Variants in ISM1 observed in about 807,000 individuals in gnomAD.
ISM1 encodes isthmin-1.
Under a neutral mutation model 46.3 loss-of-function variants are expected in ISM1, and 25 were observed. The ratio of observed to expected loss-of-function variants is 0.54; its 90% CI spans 0.39 to 0.75. The LOEUF is 0.75. ISM1 is among the 30% of genes least tolerant of loss of function. The probability of loss-of-function intolerance (pLI) is 0.00; values close to 1 mark genes in which losing one functional copy is unlikely to be tolerated. For missense variants in ISM1, 536 were observed against 625.4 expected (o/e 0.86, Z 1.52); for synonymous variants, 255 against 256.7 (o/e 0.99, Z 0.06).
chr20:13,253,381 G>T (rs6105058), intron 1 of ISM1, among the ~76,000 whole-genome samples: 28,744 of 152,128 alleles, frequency 0.19, 2,823 homozygotes, highest in East Asian at 0.25. Context: ...CTGGATGGGA[G>T]GCCTTGGAGC....
chr20:13,280,686 G>A (rs1264334787), intron 3 of ISM1, among the ~76,000 whole-genome samples: 4 of 152,150 alleles, frequency 2.6e-5, no homozygotes, highest in Admixed American at 6.5e-5. Context: ...ACACACACTC[G>A]TAAGGCCCTC....
chr20:13,298,672 A>G (rs996117923), intron 5 of ISM1, among the ~76,000 whole-genome samples: 2 of 152,236 alleles, frequency 1.3e-5, no homozygotes, highest in African/African-American at 4.8e-5. Context: ...TGAAAATTTC[A>G]TAATATAAAG....
chr20:13,221,727 CGCCGCCGCCG>C lies in ISM1; in HGVS notation c.-41_-32del. The C allele has an allele frequency of 7.5e-7, 1 of 1,338,526 alleles. No individual in the cohort carries two copies. Among genetic ancestry groups the C allele is most frequent in the East Asian group, 3.2e-5 (1 of 31,178 alleles). 82.9% of individuals were successfully genotyped at this position (1,338,526 alleles called of 1,614,324 possible). On this transcript the variant is annotated 5_prime_UTR_variant, in exon 1 of 6. It removes the in-frame stop codon of an upstream open reading frame in the 5' UTR. Coordinates refer to ENST00000262487, the MANE Select transcript of ISM1 (RefSeq NM_080826.2). ...ACTCCTCCTCCCCCGGCGTCACCGC[CGCCGCCGCCG>C]GCCGCCGCGCCGGGTCCTAAAGCCG... is the stretch of plus-strand genomic sequence containing the variant.
At chr20:13,223,156 C>CAAA (rs369659111) in intron 1 of ISM1, among the ~76,000 whole-genome samples, 4 of 120,128 alleles carry the variant, frequency 3.3e-5, no homozygotes, top group African/African-American at 1.3e-4. Flanking sequence ...GACTCCGTCT[C>CAAA]AAAAAAAAAA....
intron 1 of ISM1, among the ~76,000 whole-genome samples, chr20:13,264,523 C>T (rs56109619): frequency 0.014 from 2,124 of 152,260 alleles, 23 homozygotes; most frequent in Non-Finnish European, 0.02. Context: ...CTAATTTGCC[C>T]TGTGGCTTGG....
chr20:13,266,955 G>C (rs1037443665), intron 1 of ISM1, among the ~76,000 whole-genome samples: 2 of 152,174 alleles, frequency 1.3e-5, no homozygotes, highest in Non-Finnish European at 2.9e-5. Context: ...AAGTCCCTTT[G>C]AGAAGAGATA....
chr20:13,272,951 A>G (rs917422472), intron 2 of ISM1, among the ~76,000 whole-genome samples: 2 of 152,228 alleles, frequency 1.3e-5, no homozygotes, highest in African/African-American at 4.8e-5. Context: ...CAGAGGTGGG[A>G]ATGTCACTTG....
At chr20:13,286,703 C>T (rs760357489) in intron 3 of ISM1, among the ~76,000 whole-genome samples, 168 of 152,162 alleles carry the variant, frequency 1.1e-3, no homozygotes, top group Non-Finnish European at 2.3e-3. Context: ...TGAGGAGGCT[C>T]CACAGCCCTG....
intron 3 of ISM1, among the ~76,000 whole-genome samples, chr20:13,280,392 C>A (rs1264477863): frequency 4.0e-5 from 1 of 25,014 alleles, no homozygotes; most frequent in Non-Finnish European, 6.8e-5. Flanking sequence ...TTCAAAGTAA[C>A]CCCCCCCCCC....
chr20:13,321,133 TGAA>T, the ISM1 span, among the ~76,000 whole-genome samples: 1 of 150,424 alleles, frequency 6.6e-6, no homozygotes, highest in African/African-American at 2.5e-5. Flanking sequence ...CAGGAGGAGG[TGAA>T]GGTTTCCGTG....
intron 1 of ISM1, among the ~76,000 whole-genome samples, chr20:13,235,134 T>G (rs112715499): frequency 0.02 from 3,008 of 152,286 alleles, 45 homozygotes; most frequent in Non-Finnish European, 0.022. Context: ...CACTCATGGG[T>G]CCATGGGTCA....
chr20:13,317,134 C>T, the ISM1 span, among the ~76,000 whole-genome samples: 1 of 151,654 alleles, frequency 6.6e-6, no homozygotes, highest in Non-Finnish European at 1.5e-5. Context: ...TTGCTGTATA[C>T]CAACAATGAA....
the ISM1 span, among the ~76,000 whole-genome samples, chr20:13,309,837 A>G: frequency 9.6e-3 from 1,386 of 144,838 alleles, 20 homozygotes; most frequent in African/African-American, 0.035. Flanking sequence ...AAACATTCTC[A>G]TTTACAACAG....
intron 1 of ISM1, among the ~76,000 whole-genome samples, chr20:13,253,584 G>A (rs576727254): frequency 7.2e-5 from 11 of 152,168 alleles, no homozygotes; most frequent in South Asian, 6.2e-4. Context: ...GCAGAGAATC[G>A]CCAGGAGGCC....
chr20:13,235,066 T>C (rs191412608), intron 1 of ISM1, among the ~76,000 whole-genome samples: 15 of 152,288 alleles, frequency 9.8e-5, no homozygotes, highest in Non-Finnish European at 1.8e-4. Flanking sequence ...CTAATAATAA[T>C]GCTGTAGGAC....
chr20:13,252,259 A>G (rs1168320550), intron 1 of ISM1, among the ~76,000 whole-genome samples: 1 of 152,230 alleles, frequency 6.6e-6, no homozygotes, highest in Non-Finnish European at 1.5e-5. Flanking sequence ...TCCTTGGAGT[A>G]GGGACCATTT....
intron 1 of ISM1, 82 bp from the exon 2 acceptor site, chr20:13,270,422 C>T: frequency 1.6e-5 from 24 of 1,463,856 alleles, no homozygotes; most frequent in Non-Finnish European, 2.1e-5. Context: ...TGTCCTTGCT[C>T]CTGAATATAA....
At chr20:13,318,158 A>AATAAATAAATAAATAAATAAATAC in the ISM1 span, among the ~76,000 whole-genome samples, 3 of 151,818 alleles carry the variant, frequency 2.0e-5, no homozygotes, top group South Asian at 6.2e-4. Context: ...TAAATAAATA[A>AATAAATAAATAAATAAATAAATAC]ATAAAAATGA....
At chr20:13,249,185 C>T (rs59790257) in intron 1 of ISM1, among the ~76,000 whole-genome samples, 13,100 of 152,180 alleles carry the variant, frequency 0.086, 605 homozygotes, top group Non-Finnish European at 0.096. Context: ...CCAAATCTCA[C>T]GGGAATCAGG....
Sources: allele counts gnomAD v4.1 joint callset (sites outside exome capture counted in the v4.1 genomes callset), GRCh38; gene constraint gnomAD v4.1.1; transcripts MANE v1.5; gene names NCBI Gene and HGNC (gene_info 2026-07-23, HGNC 2026-07-21).